The following TRHDE variants were observed in gnomAD, a reference collection of about 807,000 sequenced individuals.
TRHDE encodes the protein thyrotropin-releasing hormone-degrading ectoenzyme.
In TRHDE, 72 loss-of-function variants were observed where a neutral mutation model predicts 125.7. The observed-to-expected ratio is 0.57, with a 90% CI of 0.47 to 0.70. The LOEUF (loss-of-function observed/expected upper bound fraction) is 0.70, where lower values mean the gene tolerates loss of function less well. Among genes scored for constraint, TRHDE ranks in the 30% least tolerant of loss-of-function variants. The probability of loss-of-function intolerance (pLI) is 0.00; values close to 1 mark genes in which losing one functional copy is unlikely to be tolerated. For synonymous variants in TRHDE, 509 were observed against 509.1 expected (o/e 1.00, Z 0.00); for missense variants, 1,110 against 1,327.1 (o/e 0.84, Z 2.54).
intron 6 of TRHDE, among the ~76,000 whole-genome samples, chr12:72,526,112 A>AT (rs1592512925): frequency 2.0e-5 from 3 of 151,956 alleles, no homozygotes; most frequent in East Asian, 1.9e-4. Context: ...TTATCTATGG[A>AT]TTTTTTCTGC....
chr12:72,365,863 G>C (rs966242335), intron 2 of TRHDE, among the ~76,000 whole-genome samples: 1 of 152,094 alleles, frequency 6.6e-6, no homozygotes, highest in African/African-American at 2.4e-5. Flanking sequence ...GTTTTACAGT[G>C]CTAAACCAAG....
intron 7 of TRHDE, among the ~76,000 whole-genome samples, chr12:72,555,016 G>T (rs1248939549): frequency 6.6e-6 from 1 of 152,132 alleles, no homozygotes; most frequent in African/African-American, 2.4e-5. Flanking sequence ...GTAATTTAAA[G>T]CAAACAAGCA....
intron 2 of TRHDE, chr12:72,254,190 GACCTACA>G (rs1878753402): frequency 6.6e-6 from 1 of 151,766 alleles, no homozygotes; most frequent in African/African-American, 2.4e-5. Context: ...ACTTTACAGG[GACCTACA>G]ACCTATTCAT....
At chr12:72,154,141 C>G (rs528904339) in intron 2 of TRHDE, among the ~76,000 whole-genome samples, 2 of 152,092 alleles carry the variant, frequency 1.3e-5, no homozygotes, top group African/African-American at 4.8e-5. Flanking sequence ...ATCCCTTTAC[C>G]ATTATGTAAT....
intron 12 of TRHDE, among the ~76,000 whole-genome samples, chr12:72,606,831 C>G (rs1252385997): frequency 2.0e-5 from 3 of 152,066 alleles, no homozygotes. Flanking sequence ...CCCATCCAAC[C>G]TTTTATACTA....
chr12:72,377,090 C>G (rs1452761479), intron 2 of TRHDE, among the ~76,000 whole-genome samples: 1 of 152,062 alleles, frequency 6.6e-6, no homozygotes, highest in Non-Finnish European at 1.5e-5. Context: ...AATCCAACTC[C>G]CAAGCCACTG....
chr12:72,146,932 A>C (rs1876241526), intron 2 of TRHDE, among the ~76,000 whole-genome samples: 3 of 152,164 alleles, frequency 2.0e-5, no homozygotes, highest in African/African-American at 7.2e-5. Flanking sequence ...GGAAGAAGGG[A>C]TGGGGTGGGA....
intron 2 of TRHDE, among the ~76,000 whole-genome samples, chr12:72,373,320 A>G (rs1320275824): frequency 6.6e-6 from 1 of 152,194 alleles, no homozygotes; most frequent in African/African-American, 2.4e-5. Context: ...TAGATATACA[A>G]TTATGTCATC....
Position 72,300,248 on chromosome 12 carries a change from T to C in TRHDE, c.1188+13294T>C, listed in dbSNP as rs373333633. On this transcript the variant is annotated intron_variant, in intron 2 of 18. Transcript: ENST00000261180. The stretch of plus-strand genomic sequence containing the variant: ...CAGTGTTTTTGAATCATTGTGCTAA[T>C]ATATTTATGTTGTTGTTTTTGTTTT... Among the ~76,000 whole-genome samples the C allele has an allele frequency of 1.4e-4, 21 of 152,226 alleles. No homozygotes were observed. In the East Asian group the frequency reaches 2.5e-3, roughly 18 times the overall value.
chr12:72,498,445 G>T (rs906296618), intron 5 of TRHDE, among the ~76,000 whole-genome samples: 2 of 152,166 alleles, frequency 1.3e-5, no homozygotes, highest in African/African-American at 4.8e-5. Flanking sequence ...GACACCAGGA[G>T]TGAGTTCAGA....
intron 5 of TRHDE, among the ~76,000 whole-genome samples, chr12:72,498,013 G>A (rs1011761077): frequency 1.3e-5 from 2 of 152,202 alleles, no homozygotes; most frequent in African/African-American, 4.8e-5. Context: ...ATGGTCTGGA[G>A]AAGCCCTCTG....
intron 1 of TRHDE, among the ~76,000 whole-genome samples, 179 bp from the exon 2 acceptor site, chr12:72,286,502 T>C (rs754297050): frequency 6.6e-6 from 1 of 152,182 alleles, no homozygotes; most frequent in African/African-American, 2.4e-5. Context: ...ACTTTTATGG[T>C]TGGGGAAGTA....
chr12:72,316,207 G>T (rs1262666315), intron 2 of TRHDE, among the ~76,000 whole-genome samples: 1 of 152,054 alleles, frequency 6.6e-6, no homozygotes, highest in Non-Finnish European at 1.5e-5. Context: ...CATAAATCAA[G>T]AGCTTTGGCA....
Position 72,273,771 on chromosome 12 carries a change from G to C in TRHDE, c.914+214G>C, listed in dbSNP as rs1040125486. ...CGCCAACTTCGCAAACTGACTCACCGGTGCCAAAAGATGAATGCTGCCCCC... is the reference window on the plus strand; with the variant it reads ...CGCCAACTTCGCAAACTGACTCACCCGTGCCAAAAGATGAATGCTGCCCCC... On this transcript the variant is annotated intron_variant, in intron 1 of 18. Coordinates refer to ENST00000261180, the MANE Select transcript of TRHDE (RefSeq NM_013381.3). The surrounding 1 kb of genome is among the most constrained non-coding windows in gnomAD (Gnocchi z 5.3). The C allele has an allele frequency of 1.8e-6, 1 of 551,040 alleles. No homozygotes were observed. The highest frequency in any genetic ancestry group is 3.0e-5 in the Admixed American group (1 of 33,074). The allele number at this position is 551,040 out of a possible 1,614,324, so 34.1% of individuals were successfully genotyped here.
intron 3 of TRHDE, among the ~76,000 whole-genome samples, chr12:72,416,728 T>C (rs1236842547): frequency 6.6e-6 from 1 of 152,148 alleles, no homozygotes; most frequent in African/African-American, 2.4e-5. Context: ...TCTGTTTCAT[T>C]GGTCTATGTG....
chr12:72,324,864 A>G (rs1869266915), intron 2 of TRHDE, among the ~76,000 whole-genome samples: 1 of 152,160 alleles, frequency 6.6e-6, no homozygotes, highest in Non-Finnish European at 1.5e-5. Context: ...ATGGATAACT[A>G]TACTTAAATG....
chr12:72,497,288 C>T (rs1480009493), intron 5 of TRHDE, among the ~76,000 whole-genome samples: 1 of 151,956 alleles, frequency 6.6e-6, no homozygotes, highest in Non-Finnish European at 1.5e-5. Context: ...AAAGTTTTCT[C>T]TTTGGAATTT....
At chr12:72,132,300 T>C in intron 2 of TRHDE, among the ~76,000 whole-genome samples, 1 of 152,100 alleles carries the variant, frequency 6.6e-6, no homozygotes, top group East Asian at 1.9e-4. Flanking sequence ...TGGGGTTTCA[T>C]AGCCAAAAAA....
chr12:72,626,294 G>A (rs1231494431), intron 15 of TRHDE, among the ~76,000 whole-genome samples: 2 of 151,854 alleles, frequency 1.3e-5, no homozygotes, highest in African/African-American at 4.8e-5. Context: ...CAGGTCATGA[G>A]AGTTATGTAA....
Sources: gnomAD v4.1 joint callset for allele counts (sites outside exome capture counted in the v4.1 genomes callset) on GRCh38, gnomAD v4.1.1 for gene constraint, Gnocchi (gnomAD v3.1) non-coding constraint, MANE v1.5 for transcripts, NCBI Gene and HGNC (gene_info 2026-07-23, HGNC 2026-07-21) for gene names.